MROH1: variants seen among roughly 807,000 people sequenced by gnomAD.
MROH1 encodes maestro heat like repeat family member 1, also known as maestro heat-like repeat-containing protein family member 1.
A neutral mutation model predicts 116.5 loss-of-function variants in MROH1; 117 were observed. The observed-to-expected ratio is 1.00, with a 90% CI of 0.86 to 1.17. The LOEUF (loss-of-function observed/expected upper bound fraction) is 1.17, where lower values mean the gene tolerates loss of function less well. Among genes scored for constraint, MROH1 ranks in the 50% most tolerant of loss-of-function variants. The pLI, the probability that MROH1 is intolerant of heterozygous loss-of-function variation, is 0.00. For missense variants in MROH1, 1,873 were observed against 1,338.5 expected (o/e 1.40, Z -6.23); for synonymous variants, 921 against 583.9 (o/e 1.58, Z -8.32).
chr8:144,256,939 A>G (rs1367455364), intron 35 of MROH1, among the ~76,000 whole-genome samples: 1 of 152,166 alleles, frequency 6.6e-6, no homozygotes, highest in Non-Finnish European at 1.5e-5. Context: ...CAGGGTGTGG[A>G]GCTGGAGGCA....
chr8:144,242,558 G>GC, intron 23 of MROH1, 43 bp downstream of exon 23: 1 of 780,442 alleles, frequency 1.3e-6, no homozygotes, highest in Non-Finnish European at 2.4e-6. Context: ...AGCTGGGGCT[G>GC]CCGGGGAGTC....
chr8:144,208,407 G>GT (rs112541953), intron 12 of MROH1, among the ~76,000 whole-genome samples: 132,117 of 146,636 alleles, frequency 0.9, 59,541 homozygotes, highest in East Asian at 0.99. Flanking sequence ...GGTGGGTGGG[G>GT]TTTTTTTTTT....
Position 144,190,780 on chromosome 8 carries a change from G to A in MROH1, c.563-4G>A, listed in dbSNP as rs777057842. On this transcript the variant is annotated splice_polypyrimidine_tract_variant and splice_region_variant and intron_variant, in intron 7 of 43. Transcript: ENST00000326134. ...CAGCCACTTACCACTGGCCGGTTTT[G>A]TAGCTCTGCAGCGCTTCAGCGAGGG... 9.3e-6 allele frequency: 15 copies of A among 1,612,162 alleles called. No individual in the cohort carries two copies. The highest frequency in any genetic ancestry group is 1.2e-5 in the Non-Finnish European group (14 of 1,178,900).
intron 3 of MROH1, among the ~76,000 whole-genome samples, chr8:144,165,374 C>A (rs975322896): frequency 6.6e-6 from 1 of 151,986 alleles, no homozygotes; most frequent in African/African-American, 2.4e-5. Flanking sequence ...CTACCTCGGC[C>A]TCCTAAAGTG....
chr8:144,153,407 G>C (rs1483144707), intron 1 of MROH1, among the ~76,000 whole-genome samples: 1 of 152,026 alleles, frequency 6.6e-6, no homozygotes, highest in Non-Finnish European at 1.5e-5. Flanking sequence ...ATGTTGGCCA[G>C]TCTGGTCTCG....
In MROH1 at chr8:144,260,188, G is replaced by C; in HGVS notation, c.4194G>C (p.Val1398=). 5 of 764,854 alleles carry C rather than the reference G, an allele frequency of 6.5e-6. No individual in the cohort carries two copies. The allele number at this position is 764,854 out of a possible 1,614,324, so 47.4% of individuals were successfully genotyped here. ...ANLASGCPDK[V]RTHGPQLLTA... Reference sequence around the variant, plus strand: ...GGCTGAGTGTAAGGTATCCTCAGGTGCGAACCCACGGCCCCCAGCTCCTCA... The same window carrying C: ...GGCTGAGTGTAAGGTATCCTCAGGTCCGAACCCACGGCCCCCAGCTCCTCA... Residue 1398 remains valine, a splice_region_variant and synonymous_variant, in exon 39 of 44, where the codon GTG becomes GTC. Coordinates refer to ENST00000326134, the MANE Select transcript of MROH1 (RefSeq NM_032450.3).
chr8:144,168,661 C>T (rs1821629448), intron 4 of MROH1, among the ~76,000 whole-genome samples: 1 of 152,158 alleles, frequency 6.6e-6, no homozygotes, highest in African/African-American at 2.4e-5. Flanking sequence ...CGGCACTGTT[C>T]AACCCTCCTG....
intron 33 of MROH1, among the ~76,000 whole-genome samples, chr8:144,253,346 C>T (rs1033513195): frequency 8.1e-4 from 123 of 152,384 alleles, no homozygotes; most frequent in Non-Finnish European, 1.3e-3. Context: ...TCCACTTCCA[C>T]GCTGTCTGTG....
chr8:144,244,505 A>G lies in MROH1; in HGVS notation c.2732A>G (p.Asn911Ser). 1 of 773,928 alleles carries G rather than the reference A, an allele frequency of 1.3e-6. No individual in the cohort carries two copies. Among genetic ancestry groups the G allele is most frequent in the Non-Finnish European group, 2.4e-6 (1 of 414,840 alleles). 47.9% of individuals were successfully genotyped at this position (773,928 alleles called of 1,614,324 possible). The change falls in exon 28 of 44, where the codon AAC becomes AGC. Residue 911 changes from asparagine (N) to serine (S), a missense_variant. Coordinates refer to ENST00000326134, the MANE Select transcript of MROH1 (RefSeq NM_032450.3). The part of the protein sequence containing the change: ...EDLLTSLLQR[N>S]MTPQGLQIMI... ...CTGCTGACGAGCCTCCTGCAGCGGA[A>G]CATGACCCCCCAAGGCCTGCAGATC...
Position 144,247,429 on chromosome 8 carries a change from CTA to C in MROH1, c.3002_3003del (p.Tyr1001Ter). ...VYSLLYLQLGYEGFSRDYRDD... is the reference protein window; with the variant it reads ...VYSLLYLQLGXEGFSRDYRDD... ...ACTCCCTGCTGTACCTCCAGCTCGG[CTA>C]TGAGGGTGAGCCCTCGTCAGGAGTG... On this transcript the variant is annotated frameshift_variant, in exon 30 of 44. Coordinates refer to ENST00000326134, the MANE Select transcript of MROH1 (RefSeq NM_032450.3). LOFTEE classifies it high-confidence loss of function. 1.3e-6 allele frequency: 1 copy of C among 770,924 alleles called. No homozygotes were observed. Among genetic ancestry groups the C allele is most frequent in the Non-Finnish European group, 2.4e-6 (1 of 413,454 alleles). The allele number at this position is 770,924 out of a possible 1,614,324, so 47.8% of individuals were successfully genotyped here.
chr8:144,235,300 A>T (rs1329367992), intron 14 of MROH1, among the ~76,000 whole-genome samples: 1 of 152,210 alleles, frequency 6.6e-6, no homozygotes, highest in African/African-American at 2.4e-5. Context: ...GGATTGTGTC[A>T]TCTACAACTA....
intron 33 of MROH1, chr8:144,251,912 C>CTGCTG (rs1842897503): frequency 5.2e-6 from 1 of 192,254 alleles, no homozygotes; most frequent in Non-Finnish European, 1.1e-5. Flanking sequence ...CTCTGCTTAG[C>CTGCTG]ACAGCAGTGC....
At chr8:144,178,814 C>T (rs1195494817) in intron 4 of MROH1, among the ~76,000 whole-genome samples, 1 of 152,180 alleles carries the variant, frequency 6.6e-6, no homozygotes, top group Non-Finnish European at 1.5e-5. Flanking sequence ...TCCCAGCTTT[C>T]AGTCCCAGTC....
chr8:144,215,237 T>A (rs1201477710), intron 12 of MROH1, among the ~76,000 whole-genome samples: 2 of 152,258 alleles, frequency 1.3e-5, no homozygotes, highest in Non-Finnish European at 2.9e-5. Flanking sequence ...AGGTTGATTG[T>A]CTGTAATCTA....
intron 1 of MROH1, among the ~76,000 whole-genome samples, chr8:144,156,123 G>T (rs1817997762): frequency 6.6e-6 from 1 of 151,732 alleles, no homozygotes; most frequent in Non-Finnish European, 1.5e-5. Context: ...TGTAATCCCA[G>T]CTACTCTGGA....
chr8:144,161,435 C>A (rs998018869), intron 2 of MROH1, among the ~76,000 whole-genome samples: 1 of 152,168 alleles, frequency 6.6e-6, no homozygotes, highest in Non-Finnish European at 1.5e-5. Flanking sequence ...AGACTGCAGA[C>A]TCCGGCCGCC....
intron 26 of MROH1, 108 bp downstream of exon 26, chr8:144,244,050 G>A (rs1841462098): frequency 1.1e-5 from 8 of 715,890 alleles, no homozygotes; most frequent in Non-Finnish European, 2.1e-5. Flanking sequence ...GTGTGTGCCT[G>A]TGCTTGCGTG....
intron 33 of MROH1, chr8:144,254,517 T>G (rs1843357760): frequency 2.9e-6 from 1 of 343,424 alleles, no homozygotes; most frequent in African/African-American, 2.1e-5. Flanking sequence ...AGGGAAGATT[T>G]GTTCTCCCTC....
At chr8:144,196,505 T>C (rs1315949904) in intron 10 of MROH1, among the ~76,000 whole-genome samples, 4 of 151,072 alleles carry the variant, frequency 2.6e-5, no homozygotes, top group Non-Finnish European at 4.4e-5. Context: ...TACAGGCGCA[T>C]GCTATGATGC....
Sources: gnomAD v4.1 joint callset for allele counts (sites outside exome capture counted in the v4.1 genomes callset) on GRCh38, gnomAD v4.1.1 for gene constraint, MANE v1.5 for transcripts, NCBI Gene and HGNC (gene_info 2026-07-23, HGNC 2026-07-21) for gene names.